The following C6orf163 variants were observed in gnomAD, a reference collection of about 807,000 sequenced individuals.
C6orf163 encodes uncharacterized protein C6orf163.
In C6orf163, 22 loss-of-function variants were observed where a neutral mutation model predicts 28.4. The observed-to-expected ratio is 0.78, with a 90% confidence interval of 0.55 to 1.11. The LOEUF is 1.11. C6orf163 is among the 50% of genes least tolerant of loss of function. The pLI is 0.00. For missense variants in C6orf163, 342 were observed against 389.1 expected (o/e 0.88, Z 1.02); for synonymous variants, 110 against 123.6 (o/e 0.89, Z 0.73).
chr6:87,351,150 A>G (rs1721027596), intron 3 of C6orf163, among the ~76,000 whole-genome samples: 1 of 152,194 alleles, frequency 6.6e-6, no homozygotes, highest in Admixed American at 6.5e-5. Flanking sequence ...TGGAGACCCT[A>G]GGATTCATTG....
chr6:87,347,174 C>T (rs1777337569), intron 1 of C6orf163, among the ~76,000 whole-genome samples: 2 of 152,178 alleles, frequency 1.3e-5, no homozygotes, highest in African/African-American at 4.8e-5. Flanking sequence ...TGTTCTCTAT[C>T]ACTATAATTT....
chr6:87,361,078 C>A lies in C6orf163; in HGVS notation c.555-3883C>A, dbSNP rs1008738157. On this transcript the variant is annotated intron_variant, in intron 4 of 4. Transcript: ENST00000388923. ...CTTTGGGAGGCTGAGGTAGGAGGAT[C>A]ACTTGAGTCCAGCCTGGCCAACATG... is the stretch of plus-strand genomic sequence containing the variant. Among the ~76,000 whole-genome samples the A allele has an allele frequency of 3.9e-5, 6 of 152,118 alleles. No homozygotes were observed. The South Asian group carries it at 6.2e-4, about 16-fold the overall frequency.
intron 4 of C6orf163, among the ~76,000 whole-genome samples, chr6:87,362,256 C>A (rs1777590809): frequency 1.3e-5 from 2 of 152,168 alleles, no homozygotes. Flanking sequence ...GCGGGTGGAT[C>A]ACTTAACGTT....
chr6:87,348,071 A>G, intron 1 of C6orf163: 1 of 544,158 alleles, frequency 1.8e-6, no homozygotes, highest in Non-Finnish European at 2.3e-6. Flanking sequence ...CAGGAGAATC[A>G]CTTGAAACGG....
intron 1 of C6orf163, chr6:87,347,940 G>C (rs1777353210): frequency 4.6e-6 from 4 of 875,008 alleles, no homozygotes; most frequent in Non-Finnish European, 5.5e-6. Context: ...CAGATCACTT[G>C]AGGTCAAGAG....
chr6:87,348,751 G>A, intron 1 of C6orf163, 61 bp from the exon 2 acceptor site: 9 of 1,524,726 alleles, frequency 5.9e-6, no homozygotes, highest in Non-Finnish European at 7.9e-6. Context: ...AGATAATGGT[G>A]GAAAGGAAAG....
intron 3 of C6orf163, among the ~76,000 whole-genome samples, chr6:87,351,552 G>A (rs1258690117): frequency 6.6e-6 from 1 of 152,222 alleles, no homozygotes; most frequent in Non-Finnish European, 1.5e-5. Flanking sequence ...GGTTGGTATG[G>A]TGTCTGAGGG....
Position 87,356,397 on chromosome 6 carries a change from A to T in C6orf163, c.448A>T (p.Ile150Phe). ...LAAEQRMVHR[I>F]QRIMMECHRE... ...TGCAGAACAGCGCATGGTCCACAGA[A>T]TCCAAAGGATTATGATGGAATGCCA... is the stretch of plus-strand genomic sequence containing the variant. Residue 150 changes from isoleucine to phenylalanine, a missense_variant, in exon 4 of 5, where the codon ATC (isoleucine) becomes TTC (phenylalanine). Coordinates refer to ENST00000388923, the MANE Select transcript of C6orf163 (RefSeq NM_001010868.3). The T allele has an allele frequency of 4.5e-6, 7 of 1,551,786 alleles. No homozygotes were observed. The highest frequency in any genetic ancestry group is 2.7e-5 in the African/African-American group (2 of 73,196).
At chr6:87,348,206 T>C (rs395358) in intron 1 of C6orf163, 454,381 of 978,724 alleles carry the variant, frequency 0.46, 106,873 homozygotes, top group Non-Finnish European at 0.48. Flanking sequence ...TGATATTGCG[T>C]GGTCCTCTAG....
intron 3 of C6orf163, among the ~76,000 whole-genome samples, chr6:87,353,541 A>G (rs1343100398): frequency 6.6e-6 from 1 of 152,058 alleles, no homozygotes; most frequent in African/African-American, 2.4e-5. Context: ...TTCCTTCTTC[A>G]ATAGATGTTT....
chr6:87,350,492 A>C lies in C6orf163; in HGVS notation c.342A>C (p.Lys114Asn), dbSNP rs565892854. The part of the protein sequence containing the change: ...EIQILKEEHQ[K>N]DLQEVTAKTK... Reference sequence around the variant, plus strand: ...AGATTTTGAAAGAGGAACATCAGAAAGATTTACAGGTTTTTATAGTGGCTT... The same window carrying C: ...AGATTTTGAAAGAGGAACATCAGAACGATTTACAGGTTTTTATAGTGGCTT... The change falls in exon 3 of 5, where the codon AAA becomes AAC. Residue 114 changes from lysine (K) to asparagine (N), a missense_variant. Lys to Asn is a moderately conservative substitution (Grantham distance 94). Transcript: ENST00000388923. 6.6e-7 allele frequency: 1 copy of C among 1,520,094 alleles called. No homozygotes were observed. The highest frequency in any genetic ancestry group is 1.2e-5 in the South Asian group (1 of 83,156). 94.2% of individuals were successfully genotyped at this position (1,520,094 alleles called of 1,614,324 possible). A position where few individuals can be genotyped will look rare whatever the true frequency, so the allele number is the denominator to read the frequency against.
intron 4 of C6orf163, 49 bp downstream of exon 4, chr6:87,356,552 C>T: frequency 6.6e-7 from 1 of 1,513,370 alleles, no homozygotes; most frequent in Non-Finnish European, 9.0e-7. Flanking sequence ...TTATCAAAAT[C>T]AACCTGGAGA....
In C6orf163 at chr6:87,356,433, G is replaced by T. The variant is rs760159153; in HGVS notation, c.484G>T (p.Val162Phe). The change falls in exon 4 of 5, where the codon GTC becomes TTC. Residue 162 changes from valine (V) to phenylalanine (F), a missense_variant. By Grantham distance (50) the Val-to-Phe change is conservative. Transcript: ENST00000388923. ...TATGATGGAATGCCACAGAGAGAAGGTCGAAGCTGTGGAGAAAGCCAGGGC... is the reference window on the plus strand; with the variant it reads ...TATGATGGAATGCCACAGAGAGAAGTTCGAAGCTGTGGAGAAAGCCAGGGC... Reference protein sequence around the residue: ...RIMMECHREKVEAVEKARAEE... With the variant: ...RIMMECHREKFEAVEKARAEE... The T allele has an allele frequency of 1.9e-6, 3 of 1,551,756 alleles. No individual in the cohort carries two copies. The highest frequency in any genetic ancestry group is 1.2e-5 in the South Asian group (1 of 84,062).
At chr6:87,353,126 T>C (rs1372052992) in intron 3 of C6orf163, among the ~76,000 whole-genome samples, 1 of 152,166 alleles carries the variant, frequency 6.6e-6, no homozygotes, top group Non-Finnish European at 1.5e-5. Context: ...TTGGTTTTAT[T>C]AAATCATTAC....
At chr6:87,358,934 C>CT (rs1351765503) in intron 4 of C6orf163, among the ~76,000 whole-genome samples, 1 of 152,190 alleles carries the variant, frequency 6.6e-6, no homozygotes, top group African/African-American at 2.4e-5. Context: ...GATGCCAAAG[C>CT]TTATGACCTT....
At chr6:87,346,061 T>C (rs1327915716) in intron 1 of C6orf163, among the ~76,000 whole-genome samples, 1 of 151,516 alleles carries the variant, frequency 6.6e-6, no homozygotes, top group African/African-American at 2.4e-5. Flanking sequence ...CGTATGTATA[T>C]ATAATAAGCA....
chr6:87,362,213 A>T (rs1777590020), intron 4 of C6orf163, among the ~76,000 whole-genome samples: 1 of 152,230 alleles, frequency 6.6e-6, no homozygotes, highest in African/African-American at 2.4e-5. Context: ...ACGGTGGCTC[A>T]CACCTGTAAT....
intron 3 of C6orf163, among the ~76,000 whole-genome samples, chr6:87,353,497 C>T (rs973369941): frequency 2.7e-5 from 4 of 150,828 alleles, no homozygotes; most frequent in African/African-American, 7.3e-5. Flanking sequence ...AGGCATACAA[C>T]GGTCTTACAC....
At chr6:87,350,679 A>G (rs183053951) in intron 3 of C6orf163, among the ~76,000 whole-genome samples, 178 bp downstream of exon 3, 3 of 152,218 alleles carry the variant, frequency 2.0e-5, no homozygotes, top group African/African-American at 4.8e-5. Context: ...GCAGTGATGA[A>G]TAAGTGAAGA....
Sources: gnomAD v4.1 joint callset for allele counts (sites outside exome capture counted in the v4.1 genomes callset) on GRCh38, gnomAD v4.1.1 for gene constraint, MANE v1.5 for transcripts, NCBI Gene and HGNC (gene_info 2026-07-23, HGNC 2026-07-21) for gene names.